SLC4A4: variants seen among roughly 807,000 people sequenced by gnomAD.
SLC4A4 encodes electrogenic sodium bicarbonate cotransporter 1.
In SLC4A4, 27 loss-of-function variants were observed where a neutral mutation model predicts 111.5. The observed-to-expected ratio is 0.24, with a 90% CI of 0.18 to 0.33. The LOEUF is 0.33. Among genes scored for constraint, SLC4A4 ranks in the 10% least tolerant of loss-of-function variants. The pLI is 1.00. For missense variants in SLC4A4, 909 were observed against 1,315.5 expected (o/e 0.69, Z 4.78); for synonymous variants, 443 against 463.4 (o/e 0.96, Z 0.57).
intron 6 of SLC4A4, among the ~76,000 whole-genome samples, chr4:71,387,551 A>G (rs1339049836): frequency 2.6e-5 from 4 of 151,886 alleles, no homozygotes; most frequent in African/African-American, 9.7e-5. Flanking sequence ...CTGGAGTGCA[A>G]TGGTGTGATC....
At chr4:71,558,781 A>C (rs1270427808) in intron 22 of SLC4A4, among the ~76,000 whole-genome samples, 1 of 151,916 alleles carries the variant, frequency 6.6e-6, no homozygotes, top group Non-Finnish European at 1.5e-5. Flanking sequence ...GGATGCAAGA[A>C]AAAATGGATA....
At chr4:71,482,344 T>C (rs1468641306) in intron 14 of SLC4A4, among the ~76,000 whole-genome samples, 1 of 151,662 alleles carries the variant, frequency 6.6e-6, no homozygotes, top group Non-Finnish European at 1.5e-5. Context: ...GCTGGTCTTT[T>C]GGGATTTTGA....
At chr4:71,319,379 C>G (rs1726947289) in intron 3 of SLC4A4, among the ~76,000 whole-genome samples, 1 of 151,964 alleles carries the variant, frequency 6.6e-6, no homozygotes, top group African/African-American at 2.4e-5. Context: ...TGAGGTTTAT[C>G]TATCTTGGCC....
chr4:71,186,531 C>T (rs1021408126), upstream of SLC4A4, among the ~76,000 whole-genome samples: 14 of 152,154 alleles, frequency 9.2e-5, no homozygotes, highest in African/African-American at 3.4e-4. Flanking sequence ...CAAGAGCGGC[C>T]GGTCCGGAGC....
intron 1 of SLC4A4, among the ~76,000 whole-genome samples, chr4:71,192,874 A>AACCACTCTCCTAATTTCTGAT (rs987412372): frequency 1.3e-5 from 2 of 152,178 alleles, no homozygotes; most frequent in Non-Finnish European, 2.9e-5. Context: ...CCACCAAGGT[A>AACCACTCTCCTAATTTCTGAT]ACCACTCTCC....
intron 2 of SLC4A4, among the ~76,000 whole-genome samples, chr4:71,094,359 T>C (rs1364528680): frequency 6.6e-6 from 1 of 152,138 alleles, no homozygotes; most frequent in Non-Finnish European, 1.5e-5. Context: ...TTCTCCAGAG[T>C]AGAGTGGCAT....
In SLC4A4 at chr4:71,268,886, T is replaced by C. The variant is rs1231348729; in HGVS notation, c.253+13487T>C. On this transcript the variant is annotated intron_variant, in intron 3 of 25. Coordinates refer to ENST00000264485, the MANE Select transcript of SLC4A4 (RefSeq NM_001098484.3). The stretch of plus-strand genomic sequence containing the variant: ...GCGTTAACTATATGTTGCAAAATGT[T>C]TTATTTTTGTGTAGTGCTGTATAAC... 2.0e-5 allele frequency among the ~76,000 whole-genome samples: 3 copies of C among 152,226 alleles called. No individual in the cohort carries two copies. In the East Asian group the frequency reaches 5.8e-4, roughly 29 times the overall value.
chr4:71,357,896 A>T (rs1386339188), intron 6 of SLC4A4, among the ~76,000 whole-genome samples: 1 of 152,110 alleles, frequency 6.6e-6, no homozygotes, highest in Admixed American at 6.6e-5. Context: ...ATTGGGAGCA[A>T]TCTGAGAAGG....
chr4:71,255,226 A>G lies in SLC4A4; in HGVS notation c.80A>G (p.His27Arg), dbSNP rs1430335958. ...VCDEEEVEGH[H>R]TIYIGVHVPK... ...ATTTGTGTACCTTCCTTAGGCCACCATACCATTTACATCGGAGTCCATGTG... is the reference window on the plus strand; with the variant it reads ...ATTTGTGTACCTTCCTTAGGCCACCGTACCATTTACATCGGAGTCCATGTG... The change falls in exon 3 of 26, where the codon CAT (histidine) becomes CGT (arginine). Residue 27 changes from histidine (H) to arginine (R), a missense_variant. This residue lies in a region of SLC4A4 where 117 missense variants were observed against 154.2 expected (regional missense o/e 0.76). Transcript: ENST00000264485. 6.2e-7 allele frequency: 1 copy of G among 1,613,348 alleles called. No homozygotes were observed. Among genetic ancestry groups the G allele is most frequent in the Admixed American group, 1.7e-5 (1 of 59,994 alleles).
At chr4:71,386,046 AT>A (rs1313029300) in intron 6 of SLC4A4, among the ~76,000 whole-genome samples, 1 of 150,406 alleles carries the variant, frequency 6.6e-6, no homozygotes, top group African/African-American at 2.4e-5. Flanking sequence ...TTCTATATAT[AT>A]TTTTTTCATG....
At chr4:71,331,695 C>T (rs181773165) in intron 3 of SLC4A4, among the ~76,000 whole-genome samples, 30 of 149,832 alleles carry the variant, frequency 2.0e-4, no homozygotes, top group African/African-American at 6.7e-4. Flanking sequence ...CAAACCTGCC[C>T]GTTGTGCACA....
intron 7 of SLC4A4, among the ~76,000 whole-genome samples, chr4:71,410,018 AGGTTTGGG>A (rs1360765600): frequency 3.3e-5 from 5 of 152,290 alleles, no homozygotes; most frequent in African/African-American, 1.2e-4. Flanking sequence ...TCAAGAATTG[AGGTTTGGG>A]AACCTCTGCC....
chr4:71,083,794 A>G (rs1440848481), intron 1 of SLC4A4, among the ~76,000 whole-genome samples: 1 of 111,148 alleles, frequency 9.0e-6, no homozygotes, highest in East Asian at 3.2e-4. Flanking sequence ...CCCCGCCCCC[A>G]CCAGTCTCAA....
At chr4:71,128,732 G>T (rs1188853036) in intron 2 of SLC4A4, among the ~76,000 whole-genome samples, 3 of 152,078 alleles carry the variant, frequency 2.0e-5, no homozygotes, top group Non-Finnish European at 4.4e-5. Flanking sequence ...CAAGCAATTT[G>T]ACTGACTTGA....
chr4:71,196,484 A>G (rs1439213716), intron 1 of SLC4A4, among the ~76,000 whole-genome samples: 1 of 152,154 alleles, frequency 6.6e-6, no homozygotes, highest in East Asian at 1.9e-4. Flanking sequence ...TAGTTCAAAC[A>G]CTTACCTATT....
intron 1 of SLC4A4, among the ~76,000 whole-genome samples, chr4:71,193,690 C>G (rs945000028): frequency 1.1e-4 from 16 of 152,076 alleles, no homozygotes; most frequent in African/African-American, 3.6e-4. Context: ...CTCAGAGTAC[C>G]TTGTCTATCT....
intron 2 of SLC4A4, among the ~76,000 whole-genome samples, chr4:71,139,111 AC>A (rs1743929405): frequency 6.6e-6 from 1 of 151,002 alleles, no homozygotes; most frequent in South Asian, 2.1e-4. Flanking sequence ...CTATTTAACC[AC>A]AAGGGATCAT....
intron 7 of SLC4A4, among the ~76,000 whole-genome samples, chr4:71,421,011 A>C (rs1282327379): frequency 2.0e-5 from 3 of 148,686 alleles, no homozygotes. Flanking sequence ...TAAATGGACT[A>C]AATGCTCCAA....
At chr4:71,337,537 A>G (rs1276548432) in intron 3 of SLC4A4, among the ~76,000 whole-genome samples, 1 of 152,112 alleles carries the variant, frequency 6.6e-6, no homozygotes, top group East Asian at 1.9e-4. Flanking sequence ...TCAGTTATAA[A>G]CAATGCTAGA....
Sources: allele counts gnomAD v4.1 joint callset (sites outside exome capture counted in the v4.1 genomes callset), GRCh38; gene constraint gnomAD v4.1.1; regional missense constraint gnomAD v4.1.1; transcripts MANE v1.5; gene names NCBI Gene and HGNC (gene_info 2026-07-23, HGNC 2026-07-21).